NPHP3: variants seen among roughly 807,000 people sequenced by gnomAD.
NPHP3 encodes the protein nephrocystin 3.
In NPHP3, 123 loss-of-function variants were observed where a neutral mutation model predicts 171.9. The observed-to-expected ratio is 0.72, with a 90% CI of 0.62 to 0.83. The LOEUF (loss-of-function observed/expected upper bound fraction) is 0.83. Ranked by LOEUF, NPHP3 falls within the 40% of genes least tolerant of loss-of-function variation. The pLI, the probability that NPHP3 is intolerant of heterozygous loss-of-function variation, is 0.00. For missense variants in NPHP3, 1,506 were observed against 1,591.9 expected, an observed-to-expected ratio of 0.95 and a Z score of 0.92; for synonymous variants, 558 against 579.2, an observed-to-expected ratio of 0.96 and a Z score of 0.52.
rs144360134 is a variant in NPHP3 at position 132,701,128 on chromosome 3, C to CAT, written c.1628+300_1628+301dup. The stretch of plus-strand genomic sequence containing the variant: ...AGGCACATTACAATCCACTTAATAA[C>CAT]ATGTGTTATATGACATATCACATAT... On this transcript the variant is annotated intron_variant, in intron 10 of 26. Transcript: ENST00000337331. Among the ~76,000 whole-genome samples, 6,087 of 152,236 alleles carry CAT rather than the reference C, an allele frequency of 0.04. 232 individuals carry two copies. The highest frequency in any genetic ancestry group is 0.096 in the African/African-American group (4,000 of 41,540).
In NPHP3 at chr3:132,704,630, T is replaced by C. The variant is rs145204463; in HGVS notation, c.1351-259A>G. ...AAATTAAAGGAATATTTGAATCCCATGGAATTTGTTTTCTGAAAAATGTTA... is the reference window on the plus strand; with the variant it reads ...AAATTAAAGGAATATTTGAATCCCACGGAATTTGTTTTCTGAAAAATGTTA... On this transcript the variant is annotated intron_variant, in intron 8 of 26. Coordinates refer to ENST00000337331, the MANE Select transcript of NPHP3 (RefSeq NM_153240.5). Among the ~76,000 whole-genome samples the C allele has an allele frequency of 6.0e-3, 913 of 152,308 alleles. 7 individuals are homozygous for C. The highest frequency in any genetic ancestry group is 0.021 in the African/African-American group (865 of 41,566).
intron 5 of NPHP3, 137 bp from the exon 6 acceptor site, chr3:132,713,423 T>A: frequency 2.0e-6 from 1 of 505,210 alleles, no homozygotes; most frequent in East Asian, 3.5e-5. Flanking sequence ...TTAAAAATAA[T>A]CACATTTTAA....
chr3:132,699,402 C>T lies in NPHP3; in HGVS notation c.1936G>A (p.Val646Ile). The change falls in exon 13 of 27, where the codon GTA becomes ATA. Residue 646 changes from valine (V) to isoleucine (I), a missense_variant. Coordinates refer to ENST00000337331, the MANE Select transcript of NPHP3 (RefSeq NM_153240.5). ...ACATTCACAGAAACAATTACTCTTA[C>T]ATTCACTGGCAGTGGATCTATCAGC... The part of the protein sequence containing the change: ...KWLIDPLPVN[V>I]RVIVSVNVET... 3.1e-6 allele frequency: 5 copies of T among 1,612,758 alleles called. No individual in the cohort carries two copies. The African/African-American group carries it at 5.3e-5, about 17-fold the overall frequency.
chr3:132,719,639 T>C (rs1343707966), intron 2 of NPHP3, 66 bp downstream of exon 2: 14 of 1,045,672 alleles, frequency 1.3e-5, no homozygotes, highest in African/African-American at 6.5e-5. Flanking sequence ...TTATATATTA[T>C]ATATACTTTT....
At chr3:132,711,594 T>C (rs1321072330) in intron 6 of NPHP3, among the ~76,000 whole-genome samples, 2 of 152,094 alleles carry the variant, frequency 1.3e-5, no homozygotes, top group African/African-American at 4.8e-5. Flanking sequence ...GACAGGGTCA[T>C]ACTCTGTCAC....
chr3:132,702,110 C>T (rs769658372), intron 9 of NPHP3, among the ~76,000 whole-genome samples: 2 of 152,146 alleles, frequency 1.3e-5, no homozygotes, highest in Non-Finnish European at 2.9e-5. Context: ...GGGTAAAGGA[C>T]AACATTTCAG....
At chr3:132,717,077 A>C (rs973753270) in intron 3 of NPHP3, 168 bp from the exon 4 acceptor site, 15 of 648,182 alleles carry the variant, frequency 2.3e-5, no homozygotes, top group South Asian at 7.7e-5. Flanking sequence ...GTTCAAAGAT[A>C]CTGATTAACA....
At chr3:132,713,449 G>T (rs1939967243) in intron 5 of NPHP3, among the ~76,000 whole-genome samples, 163 bp from the exon 6 acceptor site, 1 of 152,056 alleles carries the variant, frequency 6.6e-6, no homozygotes, top group Admixed American at 6.5e-5. Flanking sequence ...ATCTTAAAAA[G>T]GCAAGTTTCT....
Position 132,705,781 on chromosome 3 carries a change from C to T in NPHP3, c.1309G>A (p.Val437Ile), listed in dbSNP as rs201546764. The T allele has an allele frequency of 4.6e-6, 7 of 1,508,840 alleles. No individual in the cohort carries two copies. The South Asian group carries it at 5.7e-5, about 12-fold the overall frequency. The allele number at this position is 1,508,840 out of a possible 1,614,324, so 93.5% of individuals were successfully genotyped here. The part of the protein sequence containing the change: ...IDHSGDPAEG[V>I]YKTYICVEKI... ...TCTACACAAATATAAGTTTTATATA[C>T]TCCTTCTGCAGGATCTCCTGAGTGA... is the stretch of plus-strand genomic sequence containing the variant. The change falls in exon 8 of 27, where the codon GTA becomes ATA. Residue 437 changes from valine (V) to isoleucine (I), a missense_variant. Coordinates refer to ENST00000337331, the MANE Select transcript of NPHP3 (RefSeq NM_153240.5).
rs751410054 is a variant in NPHP3, at chr3:132,701,522, G to T, written c.1536C>A (p.Arg512=). ...CTGGTGCTGCCACTAGATCATTAAG[G>T]CGTTGGTAATACTAGAAAAAAAAAT... ...HELGFEKYYQ[R]LNDLVAAPAP... is the part of the protein sequence containing the mutation. Residue 512 remains arginine (R), a synonymous_variant, in exon 10 of 27, where the codon CGC becomes CGA. Coordinates refer to ENST00000337331, the MANE Select transcript of NPHP3 (RefSeq NM_153240.5). 2 of 1,611,866 alleles carry T rather than the reference G, an allele frequency of 1.2e-6. No individual in the cohort carries two copies. The highest frequency in any genetic ancestry group is 1.3e-5 in the African/African-American group (1 of 74,854).
At chr3:132,699,792 T>G (rs1939557979) in intron 12 of NPHP3, 126 bp downstream of exon 12, 2 of 1,069,300 alleles carry the variant, frequency 1.9e-6, no homozygotes, top group Non-Finnish European at 2.8e-6. Flanking sequence ...TCCCTAGAAA[T>G]AAAGCAGAAA....
chr3:132,699,416 G>T lies in NPHP3; in HGVS notation c.1922C>A (p.Pro641Gln). 1 of 1,611,810 alleles carries T rather than the reference G, an allele frequency of 6.2e-7. No individual in the cohort carries two copies. The highest frequency in any genetic ancestry group is 1.1e-5 in the South Asian group (1 of 91,014). The change falls in exon 13 of 27, where the codon CCA (proline) becomes CAA (glutamine). Residue 641 changes from proline (P) to glutamine (Q), a missense_variant. Pro to Gln is a moderately conservative substitution (Grantham distance 76, BLOSUM62 -1). Transcript: ENST00000337331. ...AATTACTCTTACATTCACTGGCAGT[G>T]GATCTATCAGCCATTTCATGTGTTT... is the stretch of plus-strand genomic sequence containing the variant. ...VEKHMKWLID[P>Q]LPVNVRVIVS...
chr3:132,689,354 C>T, intron 19 of NPHP3, 91 bp from the exon 20 acceptor site: 1 of 1,369,766 alleles, frequency 7.3e-7, no homozygotes, highest in Non-Finnish European at 1.0e-6. Flanking sequence ...AAGTTATTGA[C>T]AATTTATTAG....
At position 132,686,222 on chromosome 3, in the gene NPHP3, TG is replaced by T. The variant is rs749589106; in HGVS notation, c.3329+37del. 3.3e-5 allele frequency: 53 copies of T among 1,599,136 alleles called. No individual in the cohort carries two copies. The South Asian group carries it at 4.5e-4, about 14-fold the overall frequency. On this transcript the variant is annotated intron_variant, in intron 23 of 26. Transcript: ENST00000337331. ...AAACAGCATTGCATCAAAGAGAAAA[TG>T]GTTAATTATTTTCATTATTAACCCC...
In NPHP3 at chr3:132,715,133, G is replaced by A; in HGVS notation, c.909C>T (p.Tyr303=). Residue 303 remains tyrosine (Y), a synonymous_variant, in exon 5 of 27, where the codon TAC becomes TAT. Coordinates refer to ENST00000337331, the MANE Select transcript of NPHP3 (RefSeq NM_153240.5). ...GCTGGGTTTCATCTGTATAAATGAG[G>A]TAACATCTGACAGTGTTACTCCACA... ...HSLWSNTVRC[Y]LIYTDETQPE... is the part of the protein sequence containing the mutation. The A allele has an allele frequency of 1.9e-6, 3 of 1,612,028 alleles. No homozygotes were observed. The highest frequency in any genetic ancestry group is 2.5e-6 in the Non-Finnish European group (3 of 1,178,270).
chr3:132,705,413 T>C (rs1005128593), intron 8 of NPHP3, among the ~76,000 whole-genome samples: 7 of 152,092 alleles, frequency 4.6e-5, no homozygotes, highest in Non-Finnish European at 8.8e-5. Context: ...ATATAAAAAT[T>C]CAAAATTCAC....
In NPHP3 at chr3:132,694,900, G is replaced by T; in HGVS notation, c.2237C>A (p.Ser746Ter). The T allele has an allele frequency of 6.2e-7, 1 of 1,613,632 alleles. No individual in the cohort carries two copies. Among genetic ancestry groups the T allele is most frequent in the South Asian group, 1.1e-5 (1 of 91,060 alleles). The change falls in exon 16 of 27, where the codon TCA (serine) becomes TAA (stop). Residue 746 changes from serine (S) to a stop codon, truncating the protein, a stop_gained. Coordinates refer to ENST00000337331, the MANE Select transcript of NPHP3 (RefSeq NM_153240.5). LOFTEE classifies it high-confidence loss of function. ...AGAGTGCAGAACAAGTCTATATAAT[G>T]AAAGAGTATCTTGACACTGGAAACA... The part of the protein sequence containing the change: ...HQCFQCQDTL[S>*]LYRLVLHSIR...
chr3:132,705,108 T>A (rs1042333723), intron 8 of NPHP3, among the ~76,000 whole-genome samples: 2 of 152,240 alleles, frequency 1.3e-5, no homozygotes, highest in Non-Finnish European at 2.9e-5. Context: ...ACATGGTACA[T>A]CTTCCCACTG....
intron 25 of NPHP3, 97 bp from the exon 26 acceptor site, chr3:132,682,915 TTAA>T (rs1409061449): frequency 1.3e-6 from 1 of 763,468 alleles, no homozygotes; most frequent in East Asian, 2.6e-5. Flanking sequence ...CTTTAAAATG[TTAA>T]TATCCTCCTA....
Sources: allele counts gnomAD v4.1 joint callset (sites outside exome capture counted in the v4.1 genomes callset), GRCh38; gene constraint gnomAD v4.1.1; transcripts MANE v1.5; gene names NCBI Gene and HGNC (gene_info 2026-07-23, HGNC 2026-07-21).